Variants in TGFBR3 observed in about 807,000 individuals in gnomAD.
The protein encoded by TGFBR3 is transforming growth factor beta receptor type 3.
A neutral mutation model predicts 87.9 loss-of-function variants in TGFBR3; 46 were observed. The observed-to-expected ratio is 0.52, with a 90% CI of 0.41 to 0.67. TGFBR3 has a LOEUF of 0.67. Ranked by LOEUF, TGFBR3 falls within the 30% of genes least tolerant of loss-of-function variation. The probability of loss-of-function intolerance (pLI) is 0.00; values close to 1 mark genes in which losing one functional copy is unlikely to be tolerated. For missense variants in TGFBR3, 866 were observed against 1,041.9 expected (o/e 0.83, Z 2.32); for synonymous variants, 381 against 391.6 (o/e 0.97, Z 0.32).
At chr1:91,725,950 G>C (rs1672534108) in intron 7 of TGFBR3, among the ~76,000 whole-genome samples, 1 of 152,150 alleles carries the variant, frequency 6.6e-6, no homozygotes, top group East Asian at 1.9e-4. Flanking sequence ...ATCTGAAACA[G>C]GGAATTAGAA....
chr1:91,759,012 G>C (rs553389871), intron 3 of TGFBR3, among the ~76,000 whole-genome samples: 119 of 152,238 alleles, frequency 7.8e-4, no homozygotes, highest in Middle Eastern at 3.4e-3. Context: ...CCCTGCCAAA[G>C]AACAAATAAA....
intron 2 of TGFBR3, among the ~76,000 whole-genome samples, chr1:91,847,983 T>C (rs1677571000): frequency 6.6e-6 from 1 of 152,164 alleles, no homozygotes; most frequent in Non-Finnish European, 1.5e-5. Flanking sequence ...TGTCAAGGTG[T>C]AGCCCCAGCT....
Position 91,874,211 on chromosome 1 carries a change from T to C in TGFBR3, c.-114+11667A>G, listed in dbSNP as rs1396374927. On this transcript the variant is annotated intron_variant, in intron 1 of 16. Coordinates refer to ENST00000212355, the MANE Select transcript of TGFBR3 (RefSeq NM_003243.5). ...CAAAGTATGTGTGTGGGGTTTTGGTTTGGTTTGTCTGTTTTGAGTAAGGAC... is the reference window on the plus strand; with the variant it reads ...CAAAGTATGTGTGTGGGGTTTTGGTCTGGTTTGTCTGTTTTGAGTAAGGAC... Among the ~76,000 whole-genome samples, 66 of 152,174 alleles carry C rather than the reference T, an allele frequency of 4.3e-4. 1 individual carries two copies. The highest frequency in any genetic ancestry group is 4.3e-3 in the Admixed American group (66 of 15,282).
chr1:91,716,275 GC>G lies in TGFBR3; in HGVS notation c.1826del (p.Gly609AlafsTer58). On this transcript the variant is annotated frameshift_variant, in exon 12 of 17. Transcript: ENST00000212355. LOFTEE classifies it high-confidence loss of function. ...GTCCATTCTCTGGCACAGAGAAGAC[GC>G]CCTGGGAGGGCACCAAAAAGAGGTC... ...NTDLFLVPSQ[G>X]VFSVPENGHV... 1 of 1,614,126 alleles carries G rather than the reference GC, an allele frequency of 6.2e-7. No individual in the cohort carries two copies.
Position 91,851,626 on chromosome 1 carries a change from T to C in TGFBR3, c.61+9845A>G, listed in dbSNP as rs140059242. Among the ~76,000 whole-genome samples the C allele has an allele frequency of 3.0e-3, 452 of 152,322 alleles. 3 individuals are homozygous for C. Among genetic ancestry groups the C allele is most frequent in the African/African-American group, 0.01 (418 of 41,564 alleles). On this transcript the variant is annotated intron_variant, in intron 2 of 16. Transcript: ENST00000212355. ...CAAGCTGAGAAAGTCTAATTTCCTA[T>C]ATACACAACCGTGTGCAAGGGTAAG...
rs61748116 is a variant in TGFBR3, at chr1:91,734,920, A to C, written c.424T>G (p.Phe142Val). 17 of 1,614,206 alleles carry C rather than the reference A, an allele frequency of 1.1e-5. No homozygotes were observed. The South Asian group carries it at 1.9e-4, about 18-fold the overall frequency. Reference protein sequence around the residue: ...GSVVQFSSANFSLTAETEERN... With the variant: ...GSVVQFSSANVSLTAETEERN... ...TCTTCTGTTTCTGCTGTCAAGGAGA[A>C]GTTTGCTGATGAAAACTGGACCACA... Residue 142 changes from phenylalanine (F) to valine (V), a missense_variant, in exon 5 of 17, where the codon TTC becomes GTC. By Grantham distance (50) the Phe-to-Val change is conservative. Transcript: ENST00000212355.
intron 12 of TGFBR3, 34 bp downstream of exon 12, chr1:91,716,202 A>G: frequency 6.2e-7 from 1 of 1,613,640 alleles, no homozygotes; most frequent in Non-Finnish European, 8.5e-7. Flanking sequence ...CCCAGCACTA[A>G]CCTAAAAGGT....
At chr1:91,721,595 T>C (rs1672370031) in intron 8 of TGFBR3, among the ~76,000 whole-genome samples, 1 of 152,326 alleles carries the variant, frequency 6.6e-6, no homozygotes, top group African/African-American at 2.4e-5. Context: ...TCGTGACTAT[T>C]TTCCTAAAAG....
intron 2 of TGFBR3, among the ~76,000 whole-genome samples, chr1:91,814,481 T>C (rs1041526404): frequency 6.6e-6 from 1 of 152,148 alleles, no homozygotes; most frequent in African/African-American, 2.4e-5. Flanking sequence ...TAAAACTACA[T>C]ATTTGAGCCA....
At chr1:91,802,868 T>A (rs578001092) in intron 2 of TGFBR3, among the ~76,000 whole-genome samples, 1 of 151,824 alleles carries the variant, frequency 6.6e-6, no homozygotes, top group Admixed American at 6.6e-5. Flanking sequence ...TGCCCCAACA[T>A]CACCCCTTCC....
chr1:91,755,676 CA>C (rs1479394080), intron 4 of TGFBR3, among the ~76,000 whole-genome samples: 12 of 152,052 alleles, frequency 7.9e-5, no homozygotes, highest in African/African-American at 2.9e-4. Context: ...AACTGATGAC[CA>C]AGAAGCAGTT....
At chr1:91,686,838 A>G (rs766033712) in intron 16 of TGFBR3, among the ~76,000 whole-genome samples, 61 of 152,306 alleles carry the variant, frequency 4.0e-4, no homozygotes, top group Non-Finnish European at 6.2e-4. Flanking sequence ...CCTAAAGGAG[A>G]TGGGCAGGGA....
intron 4 of TGFBR3, among the ~76,000 whole-genome samples, chr1:91,748,645 G>T (rs1026962993): frequency 6.6e-6 from 1 of 152,136 alleles, no homozygotes; most frequent in Non-Finnish European, 1.5e-5. Flanking sequence ...GCCAGAGTTA[G>T]AGATAAAATC....
At chr1:91,784,909 A>T (rs549165395) in intron 3 of TGFBR3, among the ~76,000 whole-genome samples, 5 of 152,328 alleles carry the variant, frequency 3.3e-5, no homozygotes, top group Admixed American at 1.3e-4. Flanking sequence ...CCTCTATTAC[A>T]GGAATTGCCA....
chr1:91,887,777 A>G (rs1024276092), upstream of TGFBR3, among the ~76,000 whole-genome samples: 1 of 152,160 alleles, frequency 6.6e-6, no homozygotes, highest in African/African-American at 2.4e-5. Flanking sequence ...CTCCTCACTG[A>G]ACCATTTTTT....
chr1:91,885,477 C>T (rs968060027), intron 1 of TGFBR3, among the ~76,000 whole-genome samples: 6 of 152,150 alleles, frequency 3.9e-5, no homozygotes, highest in Admixed American at 3.3e-4. Flanking sequence ...GCCTGGGCCA[C>T]GGCAATTGAC....
chr1:91,855,828 G>T (rs376061050), intron 2 of TGFBR3, among the ~76,000 whole-genome samples: 1 of 151,930 alleles, frequency 6.6e-6, no homozygotes, highest in Non-Finnish European at 1.5e-5. Context: ...GATCTAAGAG[G>T]CCAATAAATA....
chr1:91,849,746 T>A (rs1677645629), intron 2 of TGFBR3, among the ~76,000 whole-genome samples: 1 of 152,090 alleles, frequency 6.6e-6, no homozygotes, highest in African/African-American at 2.4e-5. Context: ...TAAATCCTTG[T>A]TAAATCAATC....
chr1:91,848,395 A>G (rs1237622388), intron 2 of TGFBR3, among the ~76,000 whole-genome samples: 1 of 152,232 alleles, frequency 6.6e-6, no homozygotes, highest in African/African-American at 2.4e-5. Flanking sequence ...GCATATAAGA[A>G]AGCACTGGCC....
Sources: gnomAD v4.1 joint callset for allele counts (sites outside exome capture counted in the v4.1 genomes callset) on GRCh38, gnomAD v4.1.1 for gene constraint, MANE v1.5 for transcripts, NCBI Gene and HGNC (gene_info 2026-07-23, HGNC 2026-07-21) for gene names.